Variants in MARK4 observed in about 807,000 individuals in gnomAD.
MARK4 encodes MAP/microtubule affinity-regulating kinase 4.
Under a neutral mutation model 81.5 loss-of-function variants are expected in MARK4, and 19 were observed. The observed-to-expected ratio is 0.23, with a 90% CI of 0.16 to 0.34. MARK4 has a LOEUF of 0.34. Ranked by LOEUF, MARK4 falls within the 10% of genes least tolerant of loss-of-function variation. The pLI, the probability that MARK4 is intolerant of heterozygous loss-of-function variation, is 1.00. For missense variants in MARK4, 772 were observed against 1,058.8 expected (o/e 0.73, Z 3.76); for synonymous variants, 436 against 439.0 (o/e 0.99, Z 0.08).
chr19:45,295,825 G>C lies in MARK4; in HGVS notation c.1598+1373G>C, dbSNP rs1346547335. On this transcript the variant is annotated intron_variant, in intron 14 of 16. Transcript: ENST00000262891. Reference sequence around the variant, plus strand: ...GTCCACTTCCAGGCCCCATTATAGAGATGCAGTAGAGATCAGGTGTGTCCT... The same window carrying C: ...GTCCACTTCCAGGCCCCATTATAGACATGCAGTAGAGATCAGGTGTGTCCT... 2.0e-5 allele frequency among the ~76,000 whole-genome samples: 3 copies of C among 152,162 alleles called. No individual in the cohort carries two copies. The East Asian group carries it at 5.8e-4, about 29-fold the overall frequency.
intron 12 of MARK4, among the ~76,000 whole-genome samples, chr19:45,283,464 A>G (rs537926511): frequency 5.3e-5 from 8 of 151,180 alleles, no homozygotes; most frequent in Non-Finnish European, 1.0e-4. Context: ...TTCCACCCTC[A>G]GCTACTAATC....
intron 4 of MARK4, among the ~76,000 whole-genome samples, chr19:45,263,741 C>CA (rs1294501274): frequency 0.015 from 1,149 of 78,316 alleles, 6 homozygotes; most frequent in African/African-American, 0.029. Flanking sequence ...GACTTCATCT[C>CA]AAAAAAAAAA....
intron 1 of MARK4, among the ~76,000 whole-genome samples, chr19:45,256,275 T>C (rs769728848): frequency 2.6e-5 from 4 of 152,062 alleles, no homozygotes; most frequent in Non-Finnish European, 4.4e-5. Context: ...TCGTCTCTAC[T>C]AAAAATACAA....
chr19:45,283,877 G>A (rs1248222153), intron 12 of MARK4, among the ~76,000 whole-genome samples: 1 of 152,078 alleles, frequency 6.6e-6, no homozygotes, highest in East Asian at 1.9e-4. Flanking sequence ...AACTCTGTTC[G>A]TTTTACAGCC....
chr19:45,275,988 T>G (rs1970592775), intron 8 of MARK4, among the ~76,000 whole-genome samples: 1 of 152,108 alleles, frequency 6.6e-6, no homozygotes. Flanking sequence ...CCCCCAACGC[T>G]CAATTCATTC....
chr19:45,298,007 C>T, intron 15 of MARK4, 53 bp downstream of exon 15: 8 of 1,549,382 alleles, frequency 5.2e-6, no homozygotes, highest in Non-Finnish European at 7.0e-6. Context: ...CCGATGGGAC[C>T]TAACCTGTCT....
intron 16 of MARK4, among the ~76,000 whole-genome samples, chr19:45,301,275 A>G (rs1011979903): frequency 6.6e-6 from 1 of 152,066 alleles, no homozygotes; most frequent in Non-Finnish European, 1.5e-5. Flanking sequence ...CAAAAAAACT[A>G]AGAAGTGGCC....
At position 45,267,008 on chromosome 19, in the gene MARK4, A is replaced by G. The variant is rs345420; in HGVS notation, c.549+727A>G. Among the ~76,000 whole-genome samples the G allele has an allele frequency of 6.6e-3, 1,002 of 152,232 alleles. 18 individuals carry two copies. The highest frequency in any genetic ancestry group is 0.022 in the African/African-American group (929 of 41,532). ...CAGCCTCCCAAAGTGCTGGGATTAC[A>G]GGCATGAGCCACGGCACCTGGCCGG... On this transcript the variant is annotated intron_variant, in intron 7 of 16. Transcript: ENST00000262891.
In MARK4 at chr19:45,264,820, G is replaced by T. The variant is rs754811479; in HGVS notation, c.422-20G>T. ...TGCCGCTGCACCTGACCCTGACCCC[G>T]CTCGGCCTCTGCCCTGCAGGAGAAG... is the stretch of plus-strand genomic sequence containing the variant. On this transcript the variant is annotated intron_variant, in intron 5 of 16. Coordinates refer to ENST00000262891, the MANE Select transcript of MARK4 (RefSeq NM_001199867.2). The T allele has an allele frequency of 1.2e-6, 2 of 1,613,530 alleles. No individual in the cohort carries two copies. The highest frequency in any genetic ancestry group is 2.7e-5 in the African/African-American group (2 of 75,002).
Position 45,302,257 on chromosome 19 carries a change from A to T in MARK4, c.1923-117A>T. 1 of 1,558,186 alleles carries T rather than the reference A, an allele frequency of 6.4e-7. No homozygotes were observed. The highest frequency in any genetic ancestry group is 8.7e-7 in the Non-Finnish European group (1 of 1,151,532). On this transcript the variant is annotated intron_variant, in intron 16 of 16. Coordinates refer to ENST00000262891, the MANE Select transcript of MARK4 (RefSeq NM_001199867.2). The surrounding 1 kb of genome is among the most constrained non-coding windows in gnomAD (Gnocchi z 4.9). ...ACTGTCGCTGGGGTAACAGGGGAAG[A>T]TGTTTTTTGAGGGGATGGCTAGGAA... is the stretch of plus-strand genomic sequence containing the variant.
chr19:45,264,445 G>A (rs1221721171), intron 4 of MARK4, among the ~76,000 whole-genome samples: 1 of 150,914 alleles, frequency 6.6e-6, no homozygotes, highest in Non-Finnish European at 1.5e-5. Context: ...AGCAGAGATC[G>A]CGCCATTGCA....
chr19:45,256,971 A>G (rs1970314865), intron 1 of MARK4, among the ~76,000 whole-genome samples: 1 of 150,414 alleles, frequency 6.6e-6, no homozygotes, highest in Non-Finnish European at 1.5e-5. Context: ...TTTTTTTTTT[A>G]GAGACAGGGT....
At position 45,266,101 on chromosome 19, in the gene MARK4, GCC is replaced by G; in HGVS notation, c.493-121_493-120del. ...TGCTGTGACTGAATCAGGGTGTGAG[GCC>G]CCAGATCTCAGGCTGTGCCTTGGGG... On this transcript the variant is annotated intron_variant, in intron 6 of 16. Transcript: ENST00000262891. The G allele has an allele frequency of 7.5e-6, 7 of 930,322 alleles. No individual in the cohort carries two copies. In the Admixed American group the frequency reaches 1.3e-4, roughly 17 times the overall value. 57.6% of individuals were successfully genotyped at this position (930,322 alleles called of 1,614,324 possible). A position where few individuals can be genotyped will look rare whatever the true frequency, so the allele number is the denominator to read the frequency against.
intron 8 of MARK4, among the ~76,000 whole-genome samples, chr19:45,272,845 G>GCACA (rs1970547738): frequency 6.6e-6 from 1 of 152,110 alleles, no homozygotes; most frequent in South Asian, 2.1e-4. Context: ...TCAAGATTGT[G>GCACA]CCACTGCACT....
At position 45,274,536 on chromosome 19, in the gene MARK4, CAGGAGA is replaced by C. The variant is rs1970574154; in HGVS notation, c.786+2830_786+2835del. Among the ~76,000 whole-genome samples, 3 of 152,080 alleles carry C rather than the reference CAGGAGA, an allele frequency of 2.0e-5. No individual in the cohort carries two copies. In the South Asian group the frequency reaches 6.2e-4, roughly 32 times the overall value. ...ATCCCTGCTACTCGGGAGGCTGAGA[CAGGAGA>C]ATTGCTTGAACCAGGGAGGCAGAGG... is the stretch of plus-strand genomic sequence containing the variant. On this transcript the variant is annotated intron_variant, in intron 8 of 16. Coordinates refer to ENST00000262891, the MANE Select transcript of MARK4 (RefSeq NM_001199867.2).
chr19:45,300,745 G>A (rs950292963), intron 16 of MARK4, among the ~76,000 whole-genome samples: 1 of 152,140 alleles, frequency 6.6e-6, no homozygotes, highest in Non-Finnish European at 1.5e-5. Flanking sequence ...CAAACTGCCA[G>A]GGCTGACTCT....
chr19:45,259,308 G>A (rs1355817076), intron 2 of MARK4, 119 bp downstream of exon 2: 16 of 1,070,186 alleles, frequency 1.5e-5, no homozygotes, highest in African/African-American at 6.3e-5. Flanking sequence ...GTAAGTTCCC[G>A]ACTCTCTATG....
chr19:45,263,606 G>A (rs1970409367), intron 4 of MARK4, among the ~76,000 whole-genome samples: 1 of 152,050 alleles, frequency 6.6e-6, no homozygotes, highest in Non-Finnish European at 1.5e-5. Context: ...GCAGGGCATG[G>A]TGGCGGGCGC....
In MARK4 at chr19:45,280,381, G is replaced by A. The variant is rs1044748141; in HGVS notation, c.1014G>A (p.Met338Ile). 1.9e-6 allele frequency: 3 copies of A among 1,614,026 alleles called. No homozygotes were observed. The highest frequency in any genetic ancestry group is 1.7e-6 in the Non-Finnish European group (2 of 1,179,900). The part of the protein sequence containing the change: ...DFGDTKRIEV[M>I]VGMGYTREEI... ...TCCATCCCCCCCTCCCAGAGGTGAT[G>A]GTGGGTATGGGCTACACACGGGAAG... The change falls in exon 11 of 17, where the codon ATG (methionine) becomes ATA (isoleucine). Residue 338 changes from methionine (M) to isoleucine (I), a missense_variant. This residue lies in a region of MARK4 where 548 missense variants were observed against 624.3 expected (regional missense o/e 0.88). Transcript: ENST00000262891.
Sources: allele counts gnomAD v4.1 joint callset (sites outside exome capture counted in the v4.1 genomes callset), GRCh38; gene constraint gnomAD v4.1.1; regional missense constraint gnomAD v4.1.1; non-coding constraint Gnocchi (gnomAD v3.1); transcripts MANE v1.5; gene names NCBI Gene and HGNC (gene_info 2026-07-23, HGNC 2026-07-21).